Variants in MDN1 observed in about 807,000 individuals in gnomAD.
The protein encoded by MDN1 is midasin.
MDN1 carries 266 observed loss-of-function variants against 669.2 expected under a neutral mutation model. That is an observed-to-expected ratio of 0.40 (90% confidence interval 0.36 to 0.44). The LOEUF is 0.44. MDN1 is among the 20% of genes least tolerant of loss of function. The pLI is 1.00. For missense variants in MDN1, 5,940 were observed against 6,754.0 expected (o/e 0.88, Z 4.22); for synonymous variants, 2,385 against 2,457.1 (o/e 0.97, Z 0.87).
intron 43 of MDN1, among the ~76,000 whole-genome samples, chr6:89,718,133 CAAAAT>C (rs912235926): frequency 1.3e-5 from 2 of 152,144 alleles, no homozygotes; most frequent in African/African-American, 4.8e-5. Context: ...TGATTACACA[CAAAAT>C]AAACCATAAA....
intron 60 of MDN1, 54 bp downstream of exon 60, chr6:89,696,306 T>C: frequency 6.5e-7 from 1 of 1,541,506 alleles, no homozygotes; most frequent in South Asian, 1.1e-5. Context: ...CTCTGCTCCA[T>C]GCTGTGGAGA....
rs757003617 is a variant in MDN1 at position 89,789,919 on chromosome 6, A to G, written c.1099-8T>C. ...ATACATCCCCAAAAGCATCTGCAGA[A>G]AGAAGATAAAGTAATTACTGAAAAA... On this transcript the variant is annotated splice_polypyrimidine_tract_variant and splice_region_variant and intron_variant, in intron 6 of 101. Coordinates refer to ENST00000369393, the MANE Select transcript of MDN1 (RefSeq NM_014611.3). The G allele has an allele frequency of 3.1e-6, 5 of 1,606,730 alleles. 1 individual carries two copies. The Admixed American group carries it at 6.9e-5, about 22-fold the overall frequency.
At chr6:89,808,318 G>A (rs961597514) in intron 1 of MDN1, among the ~76,000 whole-genome samples, 5 of 152,180 alleles carry the variant, frequency 3.3e-5, no homozygotes, top group African/African-American at 9.6e-5. Flanking sequence ...CTAGCAGGCA[G>A]TTAATCAGCT....
chr6:89,759,928 T>C (rs1227438315), intron 17 of MDN1, among the ~76,000 whole-genome samples: 63 of 141,232 alleles, frequency 4.5e-4, no homozygotes, highest in East Asian at 1.5e-3. Context: ...AAAAATTAGC[T>C]GGGCGTGGTG....
chr6:89,753,773 G>T, intron 21 of MDN1, 151 bp from the exon 22 acceptor site: 1 of 709,306 alleles, frequency 1.4e-6, no homozygotes. Context: ...GGTAGGCCAG[G>T]CACGGTGGTT....
intron 31 of MDN1, among the ~76,000 whole-genome samples, chr6:89,742,017 C>T (rs1423329880): frequency 6.6e-6 from 1 of 152,078 alleles, no homozygotes; most frequent in East Asian, 1.9e-4. Flanking sequence ...AAAAGAATGG[C>T]TTGAACCCAG....
chr6:89,792,552 AG>A (rs1819334148), intron 5 of MDN1, among the ~76,000 whole-genome samples: 1 of 152,106 alleles, frequency 6.6e-6, no homozygotes, highest in Admixed American at 6.6e-5. Flanking sequence ...CTTCACAACT[AG>A]AAAAAAACAC....
chr6:89,817,824 C>T (rs914546000), intron 1 of MDN1, among the ~76,000 whole-genome samples: 1 of 71,990 alleles, frequency 1.4e-5, no homozygotes, highest in Non-Finnish European at 2.7e-5. Context: ...TGCACCACTG[C>T]CATTTACGAC....
intron 2 of MDN1, among the ~76,000 whole-genome samples, chr6:89,800,144 C>G (rs1347137719): frequency 3.3e-5 from 5 of 151,850 alleles, no homozygotes; most frequent in Non-Finnish European, 7.4e-5. Flanking sequence ...AAAGGAAAAA[C>G]AGGCCGGGCA....
chr6:89,738,341 T>C lies in MDN1; in HGVS notation c.4708A>G (p.Arg1570Gly). The change falls in exon 33 of 102, where the codon AGA (arginine) becomes GGA (glycine). Residue 1570 changes from arginine (R) to glycine (G), a missense_variant. Physicochemically the swap from Arg to Gly is moderately radical, Grantham distance 125. Around this residue, in one of 5 missense-constraint regions of MDN1, gnomAD observed 2,292 missense variants for 2,638.3 expected, o/e 0.87. Transcript: ENST00000369393. ...AAACTCTCACCTTTAGGATCTATTC[T>C]GCCCAGACACAATCCTGGACGAAGA... Reference protein sequence around the residue: ...HNLRPGLCLGRIDPKGSDIPE... With the variant: ...HNLRPGLCLGGIDPKGSDIPE... 2 of 1,614,076 alleles carry C rather than the reference T, an allele frequency of 1.2e-6. No homozygotes were observed. Among genetic ancestry groups the C allele is most frequent in the Non-Finnish European group, 1.7e-6 (2 of 1,179,966 alleles).
At chr6:89,763,924 A>G (rs1431765971) in intron 15 of MDN1, among the ~76,000 whole-genome samples, 1 of 152,188 alleles carries the variant, frequency 6.6e-6, no homozygotes, top group African/African-American at 2.4e-5. Context: ...TAAACAAAAA[A>G]TGTACTGAGG....
At chr6:89,684,390 TAAAA>T (rs372116307) in intron 71 of MDN1, among the ~76,000 whole-genome samples, 1 of 133,078 alleles carries the variant, frequency 7.5e-6, no homozygotes, top group African/African-American at 2.7e-5. Context: ...CAAAGTGATT[TAAAA>T]AAAAAAAAAA....
Position 89,758,817 on chromosome 6 carries a change from T to C in MDN1, c.2604A>G (p.Thr868=). The C allele has an allele frequency of 6.2e-7, 1 of 1,614,110 alleles. No homozygotes were observed. The highest frequency in any genetic ancestry group is 1.1e-5 in the South Asian group (1 of 91,078). Residue 868 remains threonine, a splice_region_variant and synonymous_variant, in exon 18 of 102, where the codon ACA becomes ACG. Coordinates refer to ENST00000369393, the MANE Select transcript of MDN1 (RefSeq NM_014611.3). The part of the protein sequence containing the change: ...GSLVLLDRGD[T]EPLVRHPDFR... ...AATCCCAAGGGATTCAAGTGCTACCTGTGTCTCCTCGATCCAGCAACACCA... is the reference window on the plus strand; with the variant it reads ...AATCCCAAGGGATTCAAGTGCTACCCGTGTCTCCTCGATCCAGCAACACCA...
chr6:89,712,151 T>G lies in MDN1; in HGVS notation c.7536A>C (p.Glu2512Asp). 1 of 1,614,098 alleles carries G rather than the reference T, an allele frequency of 6.2e-7. No individual in the cohort carries two copies. Among genetic ancestry groups the G allele is most frequent in the South Asian group, 1.1e-5 (1 of 91,080 alleles). The stretch of plus-strand genomic sequence containing the variant: ...TAACAGCCATGACCAAAACATCTGG[T>G]TCATCGATCCAGTAAGTATTCACTT... The part of the protein sequence containing the change: ...AVEVNTYWID[E>D]PDVLVMAVKL... The change falls in exon 49 of 102, where the codon GAA becomes GAC. Residue 2512 changes from glutamate (E) to aspartate (D), a missense_variant. Glu to Asp is a conservative substitution (Grantham distance 45). Coordinates refer to ENST00000369393, the MANE Select transcript of MDN1 (RefSeq NM_014611.3).
chr6:89,761,711 A>G lies in MDN1; in HGVS notation c.2394T>C (p.Leu798=), dbSNP rs1817559049. ...TCTGTTGTTGGGCATGGTTGAGTCT[A>G]AGACCAAATGCTTCCCATTTCTCTT... The part of the protein sequence containing the change: ...LIKEKWEAFG[L]RLNHAQQQMK... The change falls in exon 17 of 102, where the codon CTT becomes CTC. Residue 798 remains leucine (L), a synonymous_variant. Coordinates refer to ENST00000369393, the MANE Select transcript of MDN1 (RefSeq NM_014611.3). 6.2e-7 allele frequency: 1 copy of G among 1,612,162 alleles called. No homozygotes were observed. Among genetic ancestry groups the G allele is most frequent in the South Asian group, 1.1e-5 (1 of 90,730 alleles).
rs189999198 is a variant in MDN1, at chr6:89,677,088, T to C, written c.12539+482A>G. On this transcript the variant is annotated intron_variant, in intron 76 of 101. Coordinates refer to ENST00000369393, the MANE Select transcript of MDN1 (RefSeq NM_014611.3). Reference sequence around the variant, plus strand: ...ATGCAAGGAAGAAAGAGAAAGAAAATAAATGTTTTTTTTCTTTTTTTTTGA... The same window carrying C: ...ATGCAAGGAAGAAAGAGAAAGAAAACAAATGTTTTTTTTCTTTTTTTTTGA... Among the ~76,000 whole-genome samples, 5 of 126,010 alleles carry C rather than the reference T, an allele frequency of 4.0e-5. No individual in the cohort carries two copies. The East Asian group carries it at 1.2e-3, about 30-fold the overall frequency. 82.7% of individuals were successfully genotyped at this position (126,010 alleles called of 152,430 possible).
rs765924177 is a variant in MDN1 at position 89,700,778 on chromosome 6, G to C, written c.8506C>G (p.Leu2836Val). ...VLAIREQMSA[L>V]GESGWQEDIN... Reference sequence around the variant, plus strand: ...TCTTCCTGCCATCCACTCTCCCCAAGGGCAGACATCTGCTCCCTGATGGCA... The same window carrying C: ...TCTTCCTGCCATCCACTCTCCCCAACGGCAGACATCTGCTCCCTGATGGCA... Residue 2836 changes from leucine (L) to valine (V), a missense_variant, in exon 56 of 102, where the codon CTT (leucine) becomes GTT (valine). Physicochemically the swap from Leu to Val is conservative, Grantham distance 32 (BLOSUM62 1). Coordinates refer to ENST00000369393, the MANE Select transcript of MDN1 (RefSeq NM_014611.3). The C allele has an allele frequency of 6.8e-6, 11 of 1,613,970 alleles. No individual in the cohort carries two copies. The highest frequency in any genetic ancestry group is 1.3e-5 in the African/African-American group (1 of 74,894).
rs774729537 is a variant in MDN1, at chr6:89,718,586, C to T, written c.6363G>A (p.Val2121=). The T allele has an allele frequency of 3.1e-6, 5 of 1,614,142 alleles. No individual in the cohort carries two copies. The South Asian group carries it at 5.5e-5, about 18-fold the overall frequency. The change falls in exon 43 of 102, where the codon GTG becomes GTA. Residue 2121 remains valine, a synonymous_variant. Transcript: ENST00000369393. The part of the protein sequence containing the change: ...IRPWRRLLEK[V]EGTVRALLRD... ...TTAACAGTGCCCTTACAGTTCCCTC[C>T]ACCTTCTCTAGCAGCCTCCTCCAAG...
intron 99 of MDN1, among the ~76,000 whole-genome samples, chr6:89,646,829 T>A (rs892529461): frequency 6.6e-6 from 1 of 152,218 alleles, no homozygotes; most frequent in Non-Finnish European, 1.5e-5. Flanking sequence ...AGGGTCTCAC[T>A]GTGTCACCCA....
Sources: gnomAD v4.1 joint callset for allele counts (sites outside exome capture counted in the v4.1 genomes callset) on GRCh38, gnomAD v4.1.1 for gene constraint, gnomAD v4.1.1 regional missense constraint, MANE v1.5 for transcripts, NCBI Gene and HGNC (gene_info 2026-07-23, HGNC 2026-07-21) for gene names.